Variants in TRMT11 observed in about 807,000 individuals in gnomAD.
TRMT11 encodes tRNA (guanine(10)-N(2))-methyltransferase TRMT11.
Under a neutral mutation model 62.8 loss-of-function variants are expected in TRMT11, and 53 were observed. The ratio of observed to expected loss-of-function variants is 0.84; its 90% confidence interval spans 0.68 to 1.06. The LOEUF (loss-of-function observed/expected upper bound fraction) is 1.06, where lower values mean the gene tolerates loss of function less well. Ranked by LOEUF, TRMT11 falls within the 50% of genes least tolerant of loss-of-function variation. The pLI is 0.00. For missense variants in TRMT11, 556 were observed against 553.4 expected (o/e 1.00, Z -0.05); for synonymous variants, 188 against 190.3 (o/e 0.99, Z 0.10).
chr6:126,269,364 A>C, the TRMT11 span, among the ~76,000 whole-genome samples: 1 of 152,060 alleles, frequency 6.6e-6, no homozygotes, highest in Non-Finnish European at 1.5e-5. Context: ...ACACCTCTAT[A>C]CTGTATAAAA....
At chr6:126,227,656 T>C in the TRMT11 span, among the ~76,000 whole-genome samples, 1 of 152,246 alleles carries the variant, frequency 6.6e-6, no homozygotes. Context: ...ATGTTTACAA[T>C]GTGCTTCTGT....
At chr6:126,068,469 G>T (rs889702905) in intron 17 of TRMT11, among the ~76,000 whole-genome samples, 4 of 152,146 alleles carry the variant, frequency 2.6e-5, no homozygotes, top group Non-Finnish European at 5.9e-5. Flanking sequence ...TTTAATGTGT[G>T]GTGTGAGTTA....
chr6:126,195,636 C>T (rs1043210823), intron 1 of TRMT11, among the ~76,000 whole-genome samples: 1 of 152,180 alleles, frequency 6.6e-6, no homozygotes, highest in African/African-American at 2.4e-5. Context: ...CAAGTATGTT[C>T]AGGCATCTTA....
At chr6:125,988,710 G>C (rs970121382) in intron 1 of TRMT11, among the ~76,000 whole-genome samples, 1 of 152,200 alleles carries the variant, frequency 6.6e-6, no homozygotes. Context: ...TAAAACGATT[G>C]AGTGGAGAAG....
At chr6:126,224,688 G>A in the TRMT11 span, among the ~76,000 whole-genome samples, 1 of 152,228 alleles carries the variant, frequency 6.6e-6, no homozygotes, top group Non-Finnish European at 1.5e-5. Context: ...TGGCAACAGA[G>A]TGGCAGTGTG....
At position 126,012,813 on chromosome 6, in the gene TRMT11, A is replaced by C. The variant is rs1370186205; in HGVS notation, c.968A>C (p.Gln323Pro). 3.1e-6 allele frequency: 5 copies of C among 1,613,874 alleles called. No individual in the cohort carries two copies. Among genetic ancestry groups the C allele is most frequent in the Non-Finnish European group, 4.2e-6 (5 of 1,179,754 alleles). ...IRESTRRTGS[Q>P]KEIPKGIEKW... ...GAATCTACAAGAAGAACAGGTTCAC[A>C]GAAGGAGATACCAAAGGGGATAGAA... The change falls in exon 10 of 13, where the codon CAG (glutamine) becomes CCG (proline). Residue 323 changes from glutamine to proline, a missense_variant. By Grantham distance (76) the Gln-to-Pro change is moderately conservative. Coordinates refer to ENST00000334379, the MANE Select transcript of TRMT11 (RefSeq NM_001031712.3).
chr6:126,096,322 C>T (rs1181724713), intron 17 of TRMT11, among the ~76,000 whole-genome samples: 2 of 152,114 alleles, frequency 1.3e-5, no homozygotes, highest in African/African-American at 4.8e-5. Flanking sequence ...GGGATCTGAT[C>T]AGCTATGGGT....
At chr6:126,200,103 A>G (rs1274983887) in intron 3 of TRMT11, among the ~76,000 whole-genome samples, 3 of 152,236 alleles carry the variant, frequency 2.0e-5, no homozygotes, top group Admixed American at 2.0e-4. Flanking sequence ...GGCAGGGGTC[A>G]TGAGAGTATA....
chr6:126,013,015 T>C lies in TRMT11; in HGVS notation c.1053T>C (p.Asp351=), dbSNP rs993043175. The part of the protein sequence containing the change: ...VPVSLSYHLS[D]MFLDLLNFAA... ...TTTCCTTGAGTTATCATCTGAGTGA[T>C]ATGTTTCTTGACCTGTTAAACTTCG... is the stretch of plus-strand genomic sequence containing the variant. Residue 351 remains aspartate (D), a synonymous_variant, in exon 11 of 13, where the codon GAT becomes GAC. Coordinates refer to ENST00000334379, the MANE Select transcript of TRMT11 (RefSeq NM_001031712.3). 4.3e-6 allele frequency: 7 copies of C among 1,613,774 alleles called. No individual in the cohort carries two copies. In the African/African-American group the frequency reaches 9.3e-5, roughly 22 times the overall value.
the TRMT11 span, among the ~76,000 whole-genome samples, chr6:126,261,453 A>T: frequency 2.0e-5 from 3 of 151,170 alleles, no homozygotes; most frequent in East Asian, 5.8e-4. Context: ...GCTACTAAGG[A>T]TTTACTGTGT....
chr6:126,174,801 A>G (rs528115697), upstream of TRMT11, among the ~76,000 whole-genome samples: 14 of 152,308 alleles, frequency 9.2e-5, no homozygotes, highest in Admixed American at 1.3e-4. Context: ...ACTTCATGCT[A>G]TAATTGTGCC....
At chr6:125,998,425 G>T in intron 5 of TRMT11, 110 bp downstream of exon 5, 1 of 1,271,152 alleles carries the variant, frequency 7.9e-7, no homozygotes, top group Non-Finnish European at 1.1e-6. Context: ...ACCACATTTT[G>T]TGCTAAGTGC....
intron 12 of TRMT11, among the ~76,000 whole-genome samples, chr6:126,034,998 C>T (rs1317698572): frequency 6.6e-6 from 1 of 151,910 alleles, no homozygotes. Flanking sequence ...GATGTAAGCC[C>T]TGGCAAACTA....
chr6:126,034,551 A>G (rs904498774), intron 12 of TRMT11, among the ~76,000 whole-genome samples: 2 of 152,176 alleles, frequency 1.3e-5, no homozygotes, highest in Non-Finnish European at 2.9e-5. Context: ...TTTTATTCAT[A>G]TCGTCTTAAT....
At position 126,074,725 on chromosome 6, in the gene TRMT11, A is replaced by G. The variant is rs114049801; in HGVS notation, c.*1437+21535A>G. 5.6e-3 allele frequency among the ~76,000 whole-genome samples: 848 copies of G among 152,310 alleles called. 8 individuals carry two copies. Among genetic ancestry groups the G allele is most frequent in the African/African-American group, 0.019 (792 of 41,574 alleles). On this transcript the variant is annotated intron_variant and NMD_transcript_variant, in intron 17 of 22. Transcript: ENST00000648977. The stretch of plus-strand genomic sequence containing the variant: ...GACAAAGTCTCAATTTTTTATTTCA[A>G]TGAAACCTATGTAAATAGTAACTTA...
chr6:126,204,605 G>C (rs1385536105), downstream of TRMT11, among the ~76,000 whole-genome samples: 1 of 152,138 alleles, frequency 6.6e-6, no homozygotes, highest in African/African-American at 2.4e-5. Context: ...CCCTCTATTA[G>C]GTCTTGATTC....
At chr6:126,252,324 A>G in the TRMT11 span, among the ~76,000 whole-genome samples, 1 of 152,182 alleles carries the variant, frequency 6.6e-6, no homozygotes, top group Non-Finnish European at 1.5e-5. Context: ...GGGATGGCCA[A>G]CAAGAGTGCC....
chr6:126,001,621 T>G (rs1417072034), intron 7 of TRMT11, among the ~76,000 whole-genome samples: 1 of 152,066 alleles, frequency 6.6e-6, no homozygotes, highest in Non-Finnish European at 1.5e-5. Context: ...TATTTTATTT[T>G]TTTTCTTGCT....
intron 21 of TRMT11, among the ~76,000 whole-genome samples, chr6:126,119,629 A>G (rs1465553661): frequency 6.6e-6 from 1 of 152,074 alleles, no homozygotes; most frequent in African/African-American, 2.4e-5. Context: ...AGGAGTGAGG[A>G]CTCAAATATG....
Sources: allele counts gnomAD v4.1 joint callset (sites outside exome capture counted in the v4.1 genomes callset), GRCh38; gene constraint gnomAD v4.1.1; transcripts MANE v1.5; gene names NCBI Gene and HGNC (gene_info 2026-07-23, HGNC 2026-07-21).